The following SHC2 variants were observed in gnomAD, a reference collection of about 807,000 sequenced individuals.
The protein encoded by SHC2 is SHC-transforming protein 2.
A neutral mutation model predicts 60.6 loss-of-function variants in SHC2; 62 were observed. The observed-to-expected ratio is 1.02, with a 90% confidence interval of 0.83 to 1.26. SHC2 has a LOEUF of 1.26. Among genes scored for constraint, SHC2 ranks in the 50% most tolerant of loss-of-function variants. The pLI is 0.00. For missense variants in SHC2, 873 were observed against 822.2 expected (o/e 1.06, Z -0.76); for synonymous variants, 375 against 372.4 (o/e 1.01, Z -0.08).
chr19:430,738 G>T lies in SHC2; in HGVS notation c.1120C>A (p.Pro374Thr), dbSNP rs752640677. The change falls in exon 9 of 13, where the codon CCT (proline) becomes ACT (threonine). Residue 374 changes from proline to threonine, a missense_variant. Coordinates refer to ENST00000264554, the MANE Select transcript of SHC2 (RefSeq NM_012435.3). ...AGGCTGCAGGCATCTCTTAGAGAAGGAGATGGGCCCTGGAAACAGAGCAGT... is the reference window on the plus strand; with the variant it reads ...AGGCTGCAGGCATCTCTTAGAGAAGTAGATGGGCCCTGGAAACAGAGCAGT... ...ALTALDQGPS[P>T]SLRDACSLPW... 6.2e-7 allele frequency: 1 copy of T among 1,613,138 alleles called. No individual in the cohort carries two copies. Among genetic ancestry groups the T allele is most frequent in the Admixed American group, 1.7e-5 (1 of 60,016 alleles).
chr19:455,887 G>A (rs1176793600), intron 1 of SHC2, among the ~76,000 whole-genome samples: 11 of 152,132 alleles, frequency 7.2e-5, no homozygotes, highest in Admixed American at 7.2e-4. Context: ...TCCCATCTCA[G>A]GGTTGCTCAC....
In SHC2 at chr19:425,715, T is replaced by C. The variant is rs965042871; in HGVS notation, c.1175-484A>G. 3.9e-5 allele frequency among the ~76,000 whole-genome samples: 6 copies of C among 152,220 alleles called. No homozygotes were observed. Among genetic ancestry groups the C allele is most frequent in the African/African-American group, 1.4e-4 (6 of 41,454 alleles). On this transcript the variant is annotated intron_variant, in intron 9 of 12. Transcript: ENST00000264554. The surrounding 1 kb of genome is among the most constrained non-coding windows in gnomAD (Gnocchi z 4.1). ...GATTTTCCTTCCTTTCTTTTTTTAA[T>C]TGTATTTTGAACGTGTAAAGTGTTT...
intron 1 of SHC2, among the ~76,000 whole-genome samples, chr19:444,368 T>C (rs1975000293): frequency 6.6e-6 from 1 of 152,118 alleles, no homozygotes; most frequent in African/African-American, 2.4e-5. Flanking sequence ...TGGGATGATG[T>C]CTGTGCCAGT....
Position 436,638 on chromosome 19 carries a change from C to T in SHC2, c.766G>A (p.Gly256Arg), listed in dbSNP as rs200040363. The T allele has an allele frequency of 1.4e-5, 22 of 1,606,442 alleles. No homozygotes were observed. Among genetic ancestry groups the T allele is most frequent in the South Asian group, 6.6e-5 (6 of 90,374 alleles). The change falls in exon 5 of 13, where the codon GGA becomes AGA. Residue 256 changes from glycine (G) to arginine (R), a missense_variant. Transcript: ENST00000264554. The part of the protein sequence containing the change: ...HMPSISFASG[G>R]DTDMTDYVAY... ...CCCATCCCTGGCCTCACCGTGTCTC[C>T]GCCTGACGCGAAGGAGATGGACGGC...
In SHC2 at chr19:441,152, T is replaced by A. The variant is rs932352543; in HGVS notation, c.469-220A>T. On this transcript the variant is annotated intron_variant, in intron 1 of 12. Transcript: ENST00000264554. This position sits in a 1 kb window ranked among gnomAD's most constrained non-coding sequence, Gnocchi z 4.9. ...TGACTCCAGGCATGTTTTTCTGTGTTGCTGTTTCTCAGGAGCCTGGTGGTT... is the reference window on the plus strand; with the variant it reads ...TGACTCCAGGCATGTTTTTCTGTGTAGCTGTTTCTCAGGAGCCTGGTGGTT... 20 of 985,030 alleles carry A rather than the reference T, an allele frequency of 2.0e-5. No homozygotes were observed. The highest frequency in any genetic ancestry group is 2.4e-5 in the Non-Finnish European group (20 of 829,880). The allele number at this position is 985,030 out of a possible 1,614,324, so 61.0% of individuals were successfully genotyped here. A position where few individuals can be genotyped will look rare whatever the true frequency, so the allele number is the denominator to read the frequency against.
rs1010829896 is a variant in SHC2, at chr19:438,036, G to A, written c.720+682C>T. 1.9e-4 allele frequency among the ~76,000 whole-genome samples: 29 copies of A among 152,150 alleles called. 1 individual carries two copies. The highest frequency in any genetic ancestry group is 5.9e-5 in the Non-Finnish European group (4 of 68,028). On this transcript the variant is annotated intron_variant, in intron 4 of 12. Coordinates refer to ENST00000264554, the MANE Select transcript of SHC2 (RefSeq NM_012435.3). The surrounding 1 kb of genome is among the most constrained non-coding windows in gnomAD (Gnocchi z 5.0). Reference sequence around the variant, plus strand: ...GTCTCACTCTGTTGCCCAGGCTGGAGTGCAGTAGTGCAATCTTGGCTCACT... The same window carrying A: ...GTCTCACTCTGTTGCCCAGGCTGGAATGCAGTAGTGCAATCTTGGCTCACT...
intron 8 of SHC2, among the ~76,000 whole-genome samples, chr19:431,214 G>C (rs1957851975): frequency 6.6e-6 from 1 of 152,286 alleles, no homozygotes; most frequent in South Asian, 2.1e-4. Flanking sequence ...GAGGGTAGAA[G>C]TCATGTCTGA....
chr19:437,283 T>TGTGCTCATCTGC (rs1190179258), intron 4 of SHC2, among the ~76,000 whole-genome samples: 1 of 145,688 alleles, frequency 6.9e-6, no homozygotes, highest in Non-Finnish European at 1.5e-5. Context: ...TGCTCGTCTG[T>TGTGCTCATCTGC]GTGCTCATCT....
rs561406885 is a variant in SHC2, at chr19:450,294, C to A, written c.469-9362G>T. On this transcript the variant is annotated intron_variant, in intron 1 of 12. Coordinates refer to ENST00000264554, the MANE Select transcript of SHC2 (RefSeq NM_012435.3). ...GCCTCCAACCTAACTCCACGTGGCCCATGACGCAAGAGAGTGGCGCGTTTT... is the reference window on the plus strand; with the variant it reads ...GCCTCCAACCTAACTCCACGTGGCCAATGACGCAAGAGAGTGGCGCGTTTT... Among the ~76,000 whole-genome samples, 10 of 152,354 alleles carry A rather than the reference C, an allele frequency of 6.6e-5. No individual in the cohort carries two copies. In the East Asian group the frequency reaches 1.9e-3, roughly 29 times the overall value.
At chr19:423,089 G>C (rs982600086) in intron 10 of SHC2, among the ~76,000 whole-genome samples, 1 of 152,078 alleles carries the variant, frequency 6.6e-6, no homozygotes, top group African/African-American at 2.4e-5. Flanking sequence ...TGGCTGGGGC[G>C]GCCTTGAATT....
intron 8 of SHC2, among the ~76,000 whole-genome samples, chr19:431,186 C>T (rs143838052): frequency 1.4e-3 from 214 of 152,314 alleles, no homozygotes; most frequent in African/African-American, 4.8e-3. Context: ...AAATCATTGC[C>T]GTATTTATTT....
intron 9 of SHC2, 125 bp downstream of exon 9, chr19:430,559 G>A (rs112922780): frequency 0.045 from 32,929 of 730,310 alleles, 887 homozygotes; most frequent in Non-Finnish European, 0.055. Context: ...TTAGGAGCAA[G>A]ACGATCTCAT....
intron 4 of SHC2, among the ~76,000 whole-genome samples, chr19:437,905 AC>A (rs1382408168): frequency 6.6e-6 from 1 of 152,192 alleles, no homozygotes; most frequent in Non-Finnish European, 1.5e-5. Context: ...AGAGCCCAGC[AC>A]ATGCTCAGGA....
Position 438,841 on chromosome 19 carries a change from A to C in SHC2, c.601-4T>G. ...ACGCCAGGGCCTTGTTGGGGGCCTG[A>C]GTTGGGGGCGGAGCACAGCGAGGGC... On this transcript the variant is annotated splice_region_variant and splice_polypyrimidine_tract_variant and intron_variant, in intron 3 of 12. Coordinates refer to ENST00000264554, the MANE Select transcript of SHC2 (RefSeq NM_012435.3). This position sits in a 1 kb window ranked among gnomAD's most constrained non-coding sequence, Gnocchi z 5.0. 1 of 1,564,018 alleles carries C rather than the reference A, an allele frequency of 6.4e-7. No individual in the cohort carries two copies. Among genetic ancestry groups the C allele is most frequent in the Admixed American group, 1.9e-5 (1 of 52,472 alleles).
chr19:434,687 C>A (rs752620579), intron 8 of SHC2, 22 bp downstream of exon 8: 2 of 1,587,746 alleles, frequency 1.3e-6, no homozygotes, highest in Non-Finnish European at 8.6e-7. Flanking sequence ...CTGTCCCCAT[C>A]CCCCCGAGGG....
rs1317631897 is a variant in SHC2, at chr19:426,029, C to CAA, written c.1175-800_1175-799dup. On this transcript the variant is annotated intron_variant, in intron 9 of 12. Transcript: ENST00000264554. ...GGGCAACAGAATGAGACTCAGTCTC[C>CAA]AAAAAAAAAAAAAAAAAACTATCCA... 9.5e-3 allele frequency among the ~76,000 whole-genome samples: 755 copies of CAA among 79,474 alleles called. 11 individuals are homozygous for CAA. Among genetic ancestry groups the CAA allele is most frequent in the African/African-American group, 0.03 (669 of 22,508 alleles). The allele number at this position is 79,474 out of a possible 152,430, so 52.1% of individuals were successfully genotyped here. A position where few individuals can be genotyped will look rare whatever the true frequency, so the allele number is the denominator to read the frequency against.
intron 7 of SHC2, chr19:435,667 C>T (rs1234294325): frequency 6.3e-6 from 1 of 159,570 alleles, no homozygotes; most frequent in Non-Finnish European, 1.4e-5. Context: ...TCTGTGTGGC[C>T]CACGAGCTAA....
At position 434,734 on chromosome 19, in the gene SHC2, G is replaced by A. The variant is rs1974676282; in HGVS notation, c.1085C>T (p.Pro362Leu). The part of the protein sequence containing the change: ...LVDSRLALTQ[P>L]CALTALDQGP... ...CTGGTCGAGGGCCGTGAGGGCGCAG[G>A]GCTGTGTCAGGGCCAGCCTGGAGTC... The change falls in exon 8 of 13, where the codon CCC (proline) becomes CTC (leucine). Residue 362 changes from proline (P) to leucine (L), a missense_variant. Transcript: ENST00000264554. 1.2e-6 allele frequency: 2 copies of A among 1,612,104 alleles called. No homozygotes were observed. Among genetic ancestry groups the A allele is most frequent in the South Asian group, 1.1e-5 (1 of 91,018 alleles).
rs1974869637 is a variant in SHC2, at chr19:441,535, G to C, written c.469-603C>G. Among the ~76,000 whole-genome samples the C allele has an allele frequency of 6.6e-6, 1 of 152,150 alleles. No individual in the cohort carries two copies. The highest frequency in any genetic ancestry group is 1.5e-5 in the Non-Finnish European group (1 of 68,036). Reference sequence around the variant, plus strand: ...CAGTGCCGTAAAGGGTGGGGGAACAGGGCCAGGAGGCGAAGGCCACAGCGT... The same window carrying C: ...CAGTGCCGTAAAGGGTGGGGGAACACGGCCAGGAGGCGAAGGCCACAGCGT... On this transcript the variant is annotated intron_variant, in intron 1 of 12. Transcript: ENST00000264554. This position sits in a 1 kb window ranked among gnomAD's most constrained non-coding sequence, Gnocchi z 4.9.
Sources: allele counts gnomAD v4.1 joint callset (sites outside exome capture counted in the v4.1 genomes callset), GRCh38; gene constraint gnomAD v4.1.1; non-coding constraint Gnocchi (gnomAD v3.1); transcripts MANE v1.5; gene names NCBI Gene and HGNC (gene_info 2026-07-23, HGNC 2026-07-21).